NTRK2: variants seen among roughly 807,000 people sequenced by gnomAD.
NTRK2 encodes neurotrophic receptor tyrosine kinase 2, also known as BDNF/NT-3 growth factors receptor.
A neutral mutation model predicts 94.5 loss-of-function variants in NTRK2; 13 were observed. That is an observed-to-expected ratio of 0.14 (90% CI 0.09 to 0.22). The LOEUF (loss-of-function observed/expected upper bound fraction) is 0.22. Ranked by LOEUF, NTRK2 falls within the 10% of genes least tolerant of loss-of-function variation. NTRK2 has a pLI of 1.00. For synonymous variants in NTRK2, 372 were observed against 407.4 expected, an observed-to-expected ratio of 0.91 and a Z score of 1.05; for missense variants, 639 against 1,071.2, an observed-to-expected ratio of 0.60 and a Z score of 5.63.
intron 14 of NTRK2, chr9:84,875,294 G>A (rs1345500820): frequency 9.4e-7 from 1 of 1,058,870 alleles, no homozygotes; most frequent in African/African-American, 1.6e-5. Flanking sequence ...GTATTTCCTT[G>A]GAGATGTGCA....
intron 14 of NTRK2, chr9:84,872,300 A>G: frequency 1.8e-6 from 2 of 1,112,644 alleles, no homozygotes; most frequent in South Asian, 7.5e-5. Flanking sequence ...AGCTGAAACA[A>G]ACAAACAGAA....
chr9:84,734,667 G>A (rs1441363682), intron 9 of NTRK2, among the ~76,000 whole-genome samples: 2 of 152,162 alleles, frequency 1.3e-5, no homozygotes, highest in Non-Finnish European at 2.9e-5. Flanking sequence ...ATGGTTTGAT[G>A]AAAGGAAGTT....
chr9:84,765,959 T>TAA (rs1205400315), intron 12 of NTRK2, among the ~76,000 whole-genome samples: 3 of 152,314 alleles, frequency 2.0e-5, no homozygotes, highest in Admixed American at 1.3e-4. Flanking sequence ...ACTTAAATTT[T>TAA]AAAAAGACTA....
chr9:84,753,024 T>C (rs746124002), intron 12 of NTRK2, among the ~76,000 whole-genome samples: 8 of 152,188 alleles, frequency 5.3e-5, no homozygotes, highest in Non-Finnish European at 8.8e-5. Context: ...AATGTTTCAG[T>C]AGCAATAAGT....
rs1275735386 is a variant in NTRK2 at position 84,759,828 on chromosome 9, T to C, written c.1396+7743T>C. ...CTTTCTAATTTTATATTTTTTCCTC[T>C]CTTGTTTTTCTTCCATCTCATTCCT... On this transcript the variant is annotated intron_variant, in intron 12 of 18. Coordinates refer to ENST00000277120, the MANE Select transcript of NTRK2 (RefSeq NM_006180.6). Among the ~76,000 whole-genome samples the C allele has an allele frequency of 2.0e-5, 3 of 152,244 alleles. No individual in the cohort carries two copies. The East Asian group carries it at 5.8e-4, about 29-fold the overall frequency.
intron 8 of NTRK2, 56 bp downstream of exon 8, chr9:84,724,412 C>CT: frequency 6.2e-7 from 1 of 1,609,214 alleles, no homozygotes. Flanking sequence ...GACGTACCTA[C>CT]GTTTGTTGCT....
intron 12 of NTRK2, among the ~76,000 whole-genome samples, chr9:84,779,634 C>T (rs1441283418): frequency 1.3e-5 from 2 of 152,094 alleles, no homozygotes; most frequent in Non-Finnish European, 2.9e-5. Context: ...GTTGCTGCAC[C>T]TTTTTTTGTT....
At chr9:84,840,907 C>T (rs909048730) in intron 12 of NTRK2, among the ~76,000 whole-genome samples, 6 of 152,144 alleles carry the variant, frequency 3.9e-5, no homozygotes, top group Admixed American at 3.9e-4. Context: ...GTTGGAGGCA[C>T]CCAGCGCAGC....
intron 14 of NTRK2, among the ~76,000 whole-genome samples, chr9:84,894,149 GTTAC>G (rs1339488568): frequency 4.0e-4 from 7 of 17,582 alleles, no homozygotes; most frequent in South Asian, 2.8e-3. Context: ...GTGTTTGGGT[GTTAC>G]TTGACTATTT....
chr9:84,687,849 T>C (rs1564054016), intron 2 of NTRK2, among the ~76,000 whole-genome samples: 1 of 152,174 alleles, frequency 6.6e-6, no homozygotes, highest in Non-Finnish European at 1.5e-5. Context: ...TTATATGGTC[T>C]GTTTCAAGGG....
intron 17 of NTRK2, among the ~76,000 whole-genome samples, chr9:84,993,895 A>G (rs1829404588): frequency 6.6e-6 from 1 of 152,172 alleles, no homozygotes; most frequent in Non-Finnish European, 1.5e-5. Flanking sequence ...CTTATTCTTC[A>G]GGTCTTGCTT....
intron 17 of NTRK2, among the ~76,000 whole-genome samples, chr9:84,955,890 CA>C: frequency 6.6e-6 from 1 of 152,302 alleles, no homozygotes; most frequent in East Asian, 1.9e-4. Flanking sequence ...TCTCCAAATA[CA>C]GTCACATTTT....
intron 12 of NTRK2, among the ~76,000 whole-genome samples, chr9:84,791,691 C>G (rs1212972915): frequency 3.3e-5 from 5 of 152,154 alleles, no homozygotes; most frequent in Non-Finnish European, 7.3e-5. Flanking sequence ...AGAAAAAAAG[C>G]AAATGGAGAA....
At chr9:84,883,178 G>A (rs1036511032) in intron 14 of NTRK2, among the ~76,000 whole-genome samples, 5 of 152,228 alleles carry the variant, frequency 3.3e-5, no homozygotes, top group Admixed American at 3.3e-4. Flanking sequence ...GTCCCCAGAC[G>A]ATTAGGATAA....
At chr9:84,976,509 C>T (rs986498945) in intron 17 of NTRK2, among the ~76,000 whole-genome samples, 8 of 152,090 alleles carry the variant, frequency 5.3e-5, no homozygotes, top group East Asian at 1.9e-4. Flanking sequence ...ACTGAATTAC[C>T]GTAGTGCTAG....
chr9:84,757,779 A>G (rs1422474450), intron 12 of NTRK2, among the ~76,000 whole-genome samples: 2 of 152,140 alleles, frequency 1.3e-5, no homozygotes, highest in South Asian at 2.1e-4. Flanking sequence ...CTTTTAATGG[A>G]CATTTATGTT....
intron 17 of NTRK2, among the ~76,000 whole-genome samples, chr9:84,987,566 G>A (rs1284614547): frequency 6.6e-6 from 1 of 152,184 alleles, no homozygotes; most frequent in Non-Finnish European, 1.5e-5. Flanking sequence ...AAATGGTAGT[G>A]AAGCATTAAG....
intron 14 of NTRK2, among the ~76,000 whole-genome samples, chr9:84,913,686 TTC>T (rs1391328410): frequency 6.6e-6 from 1 of 152,102 alleles, no homozygotes; most frequent in African/African-American, 2.4e-5. Flanking sequence ...AAGATGTTAT[TTC>T]TCTCTTACTG....
chr9:84,673,298 C>G (rs1309058377), intron 2 of NTRK2, among the ~76,000 whole-genome samples: 2 of 152,188 alleles, frequency 1.3e-5, no homozygotes, highest in African/African-American at 2.4e-5. Flanking sequence ...ATGACACCAT[C>G]TATGTTCTTT....
Sources: allele counts gnomAD v4.1 joint callset (sites outside exome capture counted in the v4.1 genomes callset), GRCh38; gene constraint gnomAD v4.1.1; transcripts MANE v1.5; gene names NCBI Gene and HGNC (gene_info 2026-07-23, HGNC 2026-07-21).